Variants in CCDC178 observed in about 807,000 individuals in gnomAD.
The protein encoded by CCDC178 is coiled-coil domain-containing protein 178.
Under a neutral mutation model 117.4 loss-of-function variants are expected in CCDC178, and 126 were observed. The observed-to-expected ratio is 1.07, with a 90% CI of 0.93 to 1.24. The LOEUF (loss-of-function observed/expected upper bound fraction) is 1.24, where lower values mean the gene tolerates loss of function less well. CCDC178 is among the 50% of genes most tolerant of loss of function. The probability of loss-of-function intolerance (pLI) is 0.00; values close to 1 mark genes in which losing one functional copy is unlikely to be tolerated. For missense variants in CCDC178, 1,030 were observed against 986.9 expected, an observed-to-expected ratio of 1.04 and a Z score of -0.59; for synonymous variants, 283 against 313.4, an observed-to-expected ratio of 0.90 and a Z score of 1.02.
intron 21 of CCDC178, among the ~76,000 whole-genome samples, chr18:33,002,322 C>T (rs1014591207): frequency 6.6e-6 from 1 of 151,404 alleles, no homozygotes. Context: ...AGATATTGTA[C>T]CAAGTATCTT....
At chr18:33,138,229 T>C (rs894715897) in intron 20 of CCDC178, among the ~76,000 whole-genome samples, 1 of 152,244 alleles carries the variant, frequency 6.6e-6, no homozygotes, top group African/African-American at 2.4e-5. Flanking sequence ...ATCAGTTACT[T>C]AATTCTTTGC....
intron 21 of CCDC178, among the ~76,000 whole-genome samples, chr18:33,092,332 T>G (rs1273575642): frequency 6.6e-6 from 1 of 152,050 alleles, no homozygotes; most frequent in Non-Finnish European, 1.5e-5. Flanking sequence ...GAAAGTCAGC[T>G]ATTTTTCCAA....
chr18:32,986,542 T>A (rs1046173382), intron 21 of CCDC178, among the ~76,000 whole-genome samples: 4 of 152,122 alleles, frequency 2.6e-5, no homozygotes, highest in Admixed American at 6.6e-5. Flanking sequence ...GAGTATTATT[T>A]CAGAACAAGG....
At chr18:33,367,728 A>G (rs1017282418) in intron 6 of CCDC178, among the ~76,000 whole-genome samples, 8 of 151,994 alleles carry the variant, frequency 5.3e-5, no homozygotes, top group African/African-American at 1.9e-4. Flanking sequence ...TGCACCAAAC[A>G]TAGTACTTAT....
intron 20 of CCDC178, among the ~76,000 whole-genome samples, chr18:33,158,545 A>C (rs1364294089): frequency 6.6e-6 from 1 of 152,104 alleles, no homozygotes; most frequent in Non-Finnish European, 1.5e-5. Context: ...AAAATTTTAG[A>C]CCAATTTATA....
chr18:32,937,933 G>T lies in CCDC178; in HGVS notation c.*78C>A. 1 of 1,110,414 alleles carries T rather than the reference G, an allele frequency of 9.0e-7. No homozygotes were observed. The highest frequency in any genetic ancestry group is 1.4e-6 in the Non-Finnish European group (1 of 730,890). The allele number at this position is 1,110,414 out of a possible 1,614,324, so 68.8% of individuals were successfully genotyped here. A position where few individuals can be genotyped will look rare whatever the true frequency, so the allele number is the denominator to read the frequency against. On this transcript the variant is annotated 3_prime_UTR_variant, in exon 23 of 23. Transcript: ENST00000383096. ...AGTGTGAAATGGCAAACAGGTGAATGTCCAATTACACTGTTATCTGAACTG... is the reference window on the plus strand; with the variant it reads ...AGTGTGAAATGGCAAACAGGTGAATTTCCAATTACACTGTTATCTGAACTG...
intron 20 of CCDC178, among the ~76,000 whole-genome samples, chr18:33,167,516 A>T (rs1328616436): frequency 2.6e-5 from 4 of 152,034 alleles, no homozygotes; most frequent in Non-Finnish European, 5.9e-5. Flanking sequence ...ATGACTAGTG[A>T]TGTTGTGCAT....
intron 21 of CCDC178, among the ~76,000 whole-genome samples, chr18:33,074,552 T>G (rs2057170776): frequency 6.6e-6 from 1 of 152,190 alleles, no homozygotes; most frequent in Non-Finnish European, 1.5e-5. Flanking sequence ...CATGGAGCCC[T>G]GGGGAATTCC....
chr18:33,308,850 C>T (rs2062295615), intron 11 of CCDC178, among the ~76,000 whole-genome samples: 2 of 152,152 alleles, frequency 1.3e-5, no homozygotes, highest in Non-Finnish European at 2.9e-5. Context: ...TGTTTGCTTC[C>T]CTTTCCACCA....
At chr18:33,218,239 T>G (rs1332358316) in intron 18 of CCDC178, among the ~76,000 whole-genome samples, 1 of 152,150 alleles carries the variant, frequency 6.6e-6, no homozygotes, top group East Asian at 1.9e-4. Context: ...ATTGGCTGCT[T>G]AAATGTCTTC....
chr18:32,981,134 A>G (rs7230868), intron 21 of CCDC178, among the ~76,000 whole-genome samples: 3,742 of 152,306 alleles, frequency 0.025, 77 homozygotes, highest in Middle Eastern at 0.071. Context: ...GCTCGAGCTC[A>G]AGAATTTGAA....
chr18:33,150,986 A>G (rs565871977), intron 20 of CCDC178, among the ~76,000 whole-genome samples: 1 of 152,304 alleles, frequency 6.6e-6, no homozygotes, highest in East Asian at 1.9e-4. Flanking sequence ...TCTAGGTGAA[A>G]TAACTCAGAA....
intron 21 of CCDC178, among the ~76,000 whole-genome samples, chr18:33,062,158 C>A (rs1455321509): frequency 2.0e-5 from 3 of 152,098 alleles, no homozygotes; most frequent in Non-Finnish European, 4.4e-5. Context: ...CTATCTATAT[C>A]TTTTCATCTT....
intron 21 of CCDC178, among the ~76,000 whole-genome samples, chr18:33,046,589 A>G (rs1255862219): frequency 6.6e-6 from 1 of 152,184 alleles, no homozygotes; most frequent in African/African-American, 2.4e-5. Context: ...AATGTTTTAG[A>G]GGAAAAAAAT....
chr18:33,065,036 A>G (rs1228010981), intron 21 of CCDC178, among the ~76,000 whole-genome samples: 1 of 152,096 alleles, frequency 6.6e-6, no homozygotes, highest in Non-Finnish European at 1.5e-5. Flanking sequence ...GGAAAAAAAA[A>G]AAAAAAAGAG....
At chr18:33,121,634 G>T (rs571534028) in intron 20 of CCDC178, among the ~76,000 whole-genome samples, 1 of 152,144 alleles carries the variant, frequency 6.6e-6, no homozygotes, top group East Asian at 1.9e-4. Flanking sequence ...GCAATCATCA[G>T]TATCAGAACT....
At chr18:33,050,006 G>A (rs907078718) in intron 21 of CCDC178, among the ~76,000 whole-genome samples, 1 of 152,024 alleles carries the variant, frequency 6.6e-6, no homozygotes, top group Non-Finnish European at 1.5e-5. Flanking sequence ...GCTTGAACCC[G>A]GGAGGCGGAG....
intron 20 of CCDC178, among the ~76,000 whole-genome samples, chr18:33,153,906 T>G (rs2058365209): frequency 6.6e-6 from 1 of 152,002 alleles, no homozygotes; most frequent in South Asian, 2.1e-4. Flanking sequence ...GAAAGATGAT[T>G]TCATTGTTAT....
chr18:33,157,232 T>C (rs2058411787), intron 20 of CCDC178, among the ~76,000 whole-genome samples: 1 of 152,192 alleles, frequency 6.6e-6, no homozygotes, highest in Admixed American at 6.5e-5. Context: ...AAATTAAACC[T>C]AGAAATACTT....
Sources: allele counts gnomAD v4.1 joint callset (sites outside exome capture counted in the v4.1 genomes callset), GRCh38; gene constraint gnomAD v4.1.1; transcripts MANE v1.5; gene names NCBI Gene and HGNC (gene_info 2026-07-23, HGNC 2026-07-21).